SDK1: variants seen among roughly 807,000 people sequenced by gnomAD.
SDK1 encodes sidekick cell adhesion molecule 1.
Under a neutral mutation model 245.5 loss-of-function variants are expected in SDK1, and 157 were observed. That is an observed-to-expected ratio of 0.64 (90% CI 0.56 to 0.73). The LOEUF (loss-of-function observed/expected upper bound fraction) is 0.73. Ranked by LOEUF, SDK1 falls within the 30% of genes least tolerant of loss-of-function variation. The pLI is 0.00. For synonymous variants in SDK1, 1,647 were observed against 1,278.5 expected, an observed-to-expected ratio of 1.29 and a Z score of -6.15; for missense variants, 3,583 against 3,002.3, an observed-to-expected ratio of 1.19 and a Z score of -4.52.
At chr7:3,375,163 A>T (rs1206177797) in intron 1 of SDK1, among the ~76,000 whole-genome samples, 1 of 148,024 alleles carries the variant, frequency 6.8e-6, no homozygotes, top group Non-Finnish European at 1.5e-5. Flanking sequence ...TAATAAAGCT[A>T]ATCTGAAGTT....
intron 5 of SDK1, among the ~76,000 whole-genome samples, chr7:3,891,272 C>T (rs754092020): frequency 4.7e-4 from 71 of 152,044 alleles, no homozygotes; most frequent in Non-Finnish European, 4.1e-4. Flanking sequence ...GTCGTGCTCC[C>T]GGGGAGGACT....
chr7:4,014,247 T>C (rs568158075), intron 16 of SDK1, among the ~76,000 whole-genome samples: 26 of 152,348 alleles, frequency 1.7e-4, no homozygotes, highest in African/African-American at 4.6e-4. Context: ...CTCTCTGATG[T>C]TACGAGGCCA....
chr7:3,355,688 C>G (rs1455717193), intron 1 of SDK1, among the ~76,000 whole-genome samples: 17 of 152,136 alleles, frequency 1.1e-4, no homozygotes, highest in Admixed American at 1.1e-3. Flanking sequence ...CCTGCAGACA[C>G]CCGTCATTGC....
intron 5 of SDK1, among the ~76,000 whole-genome samples, chr7:3,853,054 A>G (rs57670646): frequency 0.055 from 8,365 of 152,092 alleles, 747 homozygotes; most frequent in African/African-American, 0.19. Flanking sequence ...GGACCCCTGC[A>G]TGAACCAAAA....
intron 17 of SDK1, among the ~76,000 whole-genome samples, chr7:4,041,048 G>A (rs901647455): frequency 1.3e-5 from 2 of 152,188 alleles, no homozygotes; most frequent in Non-Finnish European, 2.9e-5. Context: ...CTCACTATCT[G>A]CCTAAATAAT....
chr7:3,965,503 T>G (rs996170157), intron 9 of SDK1, among the ~76,000 whole-genome samples: 1 of 152,148 alleles, frequency 6.6e-6, no homozygotes, highest in Non-Finnish European at 1.5e-5. Context: ...CAAAATGAGT[T>G]TTTTAATTAA....
In SDK1 at chr7:3,442,504, A is replaced by G. The variant is rs911465012; in HGVS notation, c.298+140620A>G. Among the ~76,000 whole-genome samples, 7 of 152,332 alleles carry G rather than the reference A, an allele frequency of 4.6e-5. No homozygotes were observed. In the East Asian group the frequency reaches 1.3e-3, roughly 29 times the overall value. ...ACTATCCTCCTAAGACCTCTCTTTT[A>G]AGTGGAGAATATACATTTTGGAAAC... On this transcript the variant is annotated intron_variant, in intron 1 of 44. Coordinates refer to ENST00000404826, the MANE Select transcript of SDK1 (RefSeq NM_152744.4).
chr7:3,590,120 A>G (rs978617545), intron 1 of SDK1, among the ~76,000 whole-genome samples: 2 of 152,186 alleles, frequency 1.3e-5, no homozygotes, highest in African/African-American at 4.8e-5. Flanking sequence ...TAAAATGGAA[A>G]ACTAAAATTG....
At chr7:4,020,691 C>G (rs1786818072) in intron 17 of SDK1, among the ~76,000 whole-genome samples, 1 of 152,198 alleles carries the variant, frequency 6.6e-6, no homozygotes, top group African/African-American at 2.4e-5. Context: ...CGTGTATATT[C>G]ACACATCTTT....
chr7:3,770,227 T>G (rs1034921972), intron 4 of SDK1, among the ~76,000 whole-genome samples: 30 of 152,172 alleles, frequency 2.0e-4, no homozygotes, highest in African/African-American at 7.0e-4. Flanking sequence ...TGTAACCATT[T>G]GAGATTATTT....
rs74606785 is a variant in SDK1 at position 3,765,788 on chromosome 7, C to G, written c.714-55662C>G. On this transcript the variant is annotated intron_variant, in intron 4 of 44. Coordinates refer to ENST00000404826, the MANE Select transcript of SDK1 (RefSeq NM_152744.4). ...ATTATATTGATTTTTTTTAAAAATTCTATGTAAAAGGCTGGCTGTTTTATC... is the reference window on the plus strand; with the variant it reads ...ATTATATTGATTTTTTTTAAAAATTGTATGTAAAAGGCTGGCTGTTTTATC... Among the ~76,000 whole-genome samples the G allele has an allele frequency of 4.8e-3, 730 of 151,960 alleles. 6 individuals carry two copies. Among genetic ancestry groups the G allele is most frequent in the African/African-American group, 0.016 (681 of 41,454 alleles).
intron 28 of SDK1, chr7:4,134,914 G>A (rs1778960189): frequency 6.6e-6 from 1 of 152,328 alleles, no homozygotes; most frequent in Admixed American, 6.5e-5. Flanking sequence ...GGAGGCTCTG[G>A]CCTCAGCCGG....
At chr7:3,563,531 T>C (rs970949668) in intron 1 of SDK1, among the ~76,000 whole-genome samples, 2 of 152,194 alleles carry the variant, frequency 1.3e-5, no homozygotes, top group African/African-American at 4.8e-5. Context: ...TAAAAAATGG[T>C]AATCTGCAAT....
intron 4 of SDK1, among the ~76,000 whole-genome samples, chr7:3,751,966 G>C (rs1779786815): frequency 6.6e-6 from 1 of 152,230 alleles, no homozygotes; most frequent in South Asian, 2.1e-4. Context: ...TGTTTCATGG[G>C]AGGTGTATTT....
chr7:3,301,840 C>T lies in SDK1; in HGVS notation c.254C>T (p.Ala85Val). The change falls in exon 1 of 45, where the codon GCG (alanine) becomes GTG (valine). Residue 85 changes from alanine to valine, a missense_variant. Physicochemically the swap from Ala to Val is moderately conservative, Grantham distance 64. Coordinates refer to ENST00000404826, the MANE Select transcript of SDK1 (RefSeq NM_152744.4). ...KLGPGRRGWWALLALQLHLLR... is the reference protein window; with the variant it reads ...KLGPGRRGWWVLLALQLHLLR... ...GGGCCGGGCCGCCGCGGCTGGTGGG[C>T]GCTGCTGGCGCTGCAGCTGCACTTG... The T allele has an allele frequency of 2.7e-6, 3 of 1,130,752 alleles. No homozygotes were observed. Among genetic ancestry groups the T allele is most frequent in the Non-Finnish European group, 3.2e-6 (3 of 924,250 alleles). The allele number at this position is 1,130,752 out of a possible 1,614,324, so 70.0% of individuals were successfully genotyped here.
intron 1 of SDK1, among the ~76,000 whole-genome samples, chr7:3,585,067 C>G (rs1489605945): frequency 1.3e-5 from 2 of 152,102 alleles, no homozygotes; most frequent in Non-Finnish European, 1.5e-5. Context: ...TTTTTCCTTG[C>G]TTCCTGTGCC....
At chr7:3,437,005 T>C (rs563234484) in intron 1 of SDK1, among the ~76,000 whole-genome samples, 1 of 152,194 alleles carries the variant, frequency 6.6e-6, no homozygotes, top group Non-Finnish European at 1.5e-5. Flanking sequence ...GGGTTATATA[T>C]GTAAGGGGCA....
chr7:4,206,714 C>T (rs182551100), intron 36 of SDK1, among the ~76,000 whole-genome samples: 1 of 152,126 alleles, frequency 6.6e-6, no homozygotes. Context: ...GTACAGGGCC[C>T]ATAAGCATCC....
rs150817698 is a variant in SDK1 at position 3,606,565 on chromosome 7, G to A, written c.299-12515G>A. On this transcript the variant is annotated intron_variant, in intron 1 of 44. Coordinates refer to ENST00000404826, the MANE Select transcript of SDK1 (RefSeq NM_152744.4). ...CTTCATCCACCCTGGTGTCACTGCT[G>A]GTCTTAGAACACAGTGGACTGACTC... 1.5e-3 allele frequency among the ~76,000 whole-genome samples: 224 copies of A among 152,224 alleles called. 1 individual carries two copies. Among genetic ancestry groups the A allele is most frequent in the African/African-American group, 5.2e-3 (216 of 41,534 alleles).
Sources: allele counts gnomAD v4.1 joint callset (sites outside exome capture counted in the v4.1 genomes callset), GRCh38; gene constraint gnomAD v4.1.1; transcripts MANE v1.5; gene names NCBI Gene and HGNC (gene_info 2026-07-23, HGNC 2026-07-21).